Variants in ADCY1 observed in about 807,000 individuals in gnomAD.
ADCY1 encodes adenylate cyclase 1.
In ADCY1, 28 loss-of-function variants were observed where a neutral mutation model predicts 105.4. The ratio of observed to expected loss-of-function variants is 0.27; its 90% CI spans 0.20 to 0.36. The LOEUF is 0.36. Ranked by LOEUF, ADCY1 falls within the 10% of genes least tolerant of loss-of-function variation. The probability of loss-of-function intolerance (pLI) is 1.00; values close to 1 mark genes in which losing one functional copy is unlikely to be tolerated. For synonymous variants in ADCY1, 655 were observed against 623.8 expected (o/e 1.05, Z -0.75); for missense variants, 977 against 1,434.2 (o/e 0.68, Z 5.15).
rs1385968517 is a variant in ADCY1, at chr7:45,703,701, G to A, written c.2673G>A (p.Val891=). The change falls in exon 16 of 20, where the codon GTG becomes GTA. Residue 891 remains valine (V), a synonymous_variant. Coordinates refer to ENST00000297323, the MANE Select transcript of ADCY1 (RefSeq NM_021116.4). The surrounding 1 kb of genome is among the most constrained non-coding windows in gnomAD (Gnocchi z 5.9). Reference sequence around the variant, plus strand: ...AGCTGGACGGCAACAACATGGGGGTGGAGTGTCTGCGGCTTCTCAACGAGA... The same window carrying A: ...AGCTGGACGGCAACAACATGGGGGTAGAGTGTCTGCGGCTTCTCAACGAGA... ...YIELDGNNMG[V]ECLRLLNEII... 1 of 1,608,892 alleles carries A rather than the reference G, an allele frequency of 6.2e-7. No homozygotes were observed. Among genetic ancestry groups the A allele is most frequent in the South Asian group, 1.1e-5 (1 of 90,190 alleles).
At chr7:45,656,395 GCATGC>G (rs1490315452) in intron 5 of ADCY1, among the ~76,000 whole-genome samples, 1 of 152,226 alleles carries the variant, frequency 6.6e-6, no homozygotes, top group Non-Finnish European at 1.5e-5. Context: ...TAAATCTGTG[GCATGC>G]ATACTTCTGA....
intron 1 of ADCY1, among the ~76,000 whole-genome samples, chr7:45,580,208 G>C (rs1311876729): frequency 1.3e-5 from 2 of 152,182 alleles, no homozygotes; most frequent in Non-Finnish European, 2.9e-5. Context: ...GTGGTCCAGT[G>C]GGCCCAGGGG....
At chr7:45,595,373 G>A (rs968665309) in intron 2 of ADCY1, among the ~76,000 whole-genome samples, 4 of 152,032 alleles carry the variant, frequency 2.6e-5, no homozygotes, top group South Asian at 4.2e-4. Context: ...TCTTTCTCCC[G>A]TTCTCCCTCT....
intron 5 of ADCY1, among the ~76,000 whole-genome samples, chr7:45,650,269 G>A (rs769147363): frequency 9.9e-5 from 15 of 151,732 alleles, no homozygotes; most frequent in Non-Finnish European, 2.2e-4. Flanking sequence ...TATATCACAC[G>A]TCATATAACT....
intron 4 of ADCY1, among the ~76,000 whole-genome samples, chr7:45,638,822 A>G (rs1366878629): frequency 1.3e-5 from 2 of 152,182 alleles, no homozygotes; most frequent in Non-Finnish European, 2.9e-5. Context: ...CTAATGGTTT[A>G]TAGTGAGTCG....
At chr7:45,624,420 G>T (rs1214216710) in intron 4 of ADCY1, among the ~76,000 whole-genome samples, 1 of 152,102 alleles carries the variant, frequency 6.6e-6, no homozygotes, top group East Asian at 1.9e-4. Context: ...GGAAGAAAAG[G>T]TCTTGAGATC....
intron 14 of ADCY1, among the ~76,000 whole-genome samples, chr7:45,688,093 G>T (rs142957688): frequency 0.017 from 2,582 of 152,318 alleles, 61 homozygotes; most frequent in South Asian, 0.096. Context: ...ATCAAGCCAT[G>T]CAGTTAAGTG....
In ADCY1 at chr7:45,575,150, G is replaced by T; in HGVS notation, c.607G>T (p.Val203Phe). 2 of 1,608,668 alleles carry T rather than the reference G, an allele frequency of 1.2e-6. No homozygotes were observed. The highest frequency in any genetic ancestry group is 8.5e-7 in the Non-Finnish European group (1 of 1,177,936). ...GCACTTGCTGGTCACAGCCACCTTG[G>T]TCCCCGCCAAGCGCCCACGTCTCTG... ...ASHLLVTATL[V>F]PAKRPRLWRT... The change falls in exon 1 of 20, where the codon GTC becomes TTC. Residue 203 changes from valine (V) to phenylalanine (F), a missense_variant. Physicochemically the swap from Val to Phe is conservative, Grantham distance 50 (BLOSUM62 -1). Around this residue, in one of 7 missense-constraint regions of ADCY1, gnomAD observed 196 missense variants for 347.8 expected, o/e 0.56. Transcript: ENST00000297323. The surrounding 1 kb of genome is among the most constrained non-coding windows in gnomAD (Gnocchi z 4.7).
At chr7:45,698,663 CT>C (rs1784932288) in intron 14 of ADCY1, among the ~76,000 whole-genome samples, 1 of 152,218 alleles carries the variant, frequency 6.6e-6, no homozygotes. Flanking sequence ...CTGCCCCATG[CT>C]GTAAACAGTG....
chr7:45,599,909 A>G (rs1179147728), intron 2 of ADCY1, among the ~76,000 whole-genome samples: 1 of 152,192 alleles, frequency 6.6e-6, no homozygotes, highest in Non-Finnish European at 1.5e-5. Context: ...TAAAGGTGTG[A>G]GCCGCCTTGA....
intron 8 of ADCY1, among the ~76,000 whole-genome samples, chr7:45,662,787 C>T (rs1170914092): frequency 6.6e-6 from 1 of 152,228 alleles, no homozygotes. Flanking sequence ...CCCTCGCCCG[C>T]AGTGCCTGAT....
chr7:45,629,515 T>G lies in ADCY1; in HGVS notation c.1020+6772T>G, dbSNP rs1176955831. 4.5e-3 allele frequency among the ~76,000 whole-genome samples: 685 copies of G among 151,092 alleles called. 12 individuals carry two copies. Among genetic ancestry groups the G allele is most frequent in the Middle Eastern group, 0.017 (5 of 290 alleles). ...ATGGCAGATGTATGCTTAACTTTTT[T>G]TTTTTTTTTTTTTTGAGACGGAGTC... On this transcript the variant is annotated intron_variant, in intron 4 of 19. Coordinates refer to ENST00000297323, the MANE Select transcript of ADCY1 (RefSeq NM_021116.4).
intron 4 of ADCY1, among the ~76,000 whole-genome samples, chr7:45,648,188 C>A (rs539962911): frequency 6.6e-6 from 1 of 152,284 alleles, no homozygotes; most frequent in African/African-American, 2.4e-5. Context: ...GTCAGAAGCC[C>A]CAGGGACACC....
chr7:45,696,581 G>A (rs765319246), intron 14 of ADCY1, among the ~76,000 whole-genome samples: 1 of 152,080 alleles, frequency 6.6e-6, no homozygotes, highest in Non-Finnish European at 1.5e-5. Context: ...GCTAGTTGTT[G>A]TGGAAACAAG....
chr7:45,711,904 AAAT>A (rs1785250371), intron 19 of ADCY1, among the ~76,000 whole-genome samples: 1 of 46,468 alleles, frequency 2.2e-5, no homozygotes, highest in Non-Finnish European at 5.1e-5. Flanking sequence ...ATATTATATT[AAAT>A]ATATAAATAT....
chr7:45,609,287 G>A (rs1430760198), intron 2 of ADCY1, among the ~76,000 whole-genome samples: 1 of 152,210 alleles, frequency 6.6e-6, no homozygotes, highest in Non-Finnish European at 1.5e-5. Flanking sequence ...TGTAGCCTGT[G>A]CAGGAGGGAC....
intron 14 of ADCY1, among the ~76,000 whole-genome samples, chr7:45,696,443 A>G (rs1396987679): frequency 6.6e-6 from 1 of 150,610 alleles, no homozygotes. Context: ...CATCTCAAAA[A>G]AAAAAAAAAA....
intron 5 of ADCY1, among the ~76,000 whole-genome samples, chr7:45,651,041 T>C (rs1223740501): frequency 1.3e-5 from 2 of 152,140 alleles, no homozygotes; most frequent in African/African-American, 4.8e-5. Flanking sequence ...CTACCCCTGC[T>C]ACCTGAAACT....
intron 3 of ADCY1, among the ~76,000 whole-genome samples, chr7:45,610,878 G>GA (rs1793552363): frequency 3.3e-5 from 5 of 151,728 alleles, no homozygotes; most frequent in South Asian, 2.1e-4. Flanking sequence ...TGGTGGAGGT[G>GA]GGAAGGTGAT....
Sources: gnomAD v4.1 joint callset for allele counts (sites outside exome capture counted in the v4.1 genomes callset) on GRCh38, gnomAD v4.1.1 for gene constraint, gnomAD v4.1.1 regional missense constraint, Gnocchi (gnomAD v3.1) non-coding constraint, MANE v1.5 for transcripts, NCBI Gene and HGNC (gene_info 2026-07-23, HGNC 2026-07-21) for gene names.